Variants in CTBP2 observed in about 807,000 individuals in gnomAD.
CTBP2 encodes the protein C-terminal-binding protein 2.
A neutral mutation model predicts 80.3 loss-of-function variants in CTBP2; 30 were observed. The ratio of observed to expected loss-of-function variants is 0.37; its 90% CI spans 0.28 to 0.51. The LOEUF is 0.51. Ranked by LOEUF, CTBP2 falls within the 20% of genes least tolerant of loss-of-function variation. The pLI is 0.93. For synonymous variants in CTBP2, 594 were observed against 587.4 expected (o/e 1.01, Z -0.16); for missense variants, 1,212 against 1,375.3 (o/e 0.88, Z 1.88).
chr10:125,150,887 G>A (rs1859719227), intron 1 of CTBP2, among the ~76,000 whole-genome samples: 1 of 148,448 alleles, frequency 6.7e-6, no homozygotes, highest in Admixed American at 6.9e-5. Context: ...GAATACGTGG[G>A]TCAGACTCTG....
At position 124,987,438 on chromosome 10, in the gene CTBP2, A is replaced by ACCTG. The variant is rs919158393; in HGVS notation, c.*2076_*2079dup. 1 of 152,020 alleles carries ACCTG rather than the reference A, an allele frequency of 6.6e-6. No homozygotes were observed. The highest frequency in any genetic ancestry group is 2.4e-5 in the African/African-American group (1 of 41,380). 9.4% of individuals were successfully genotyped at this position (152,020 alleles called of 1,614,324 possible). A position where few individuals can be genotyped will look rare whatever the true frequency, so the allele number is the denominator to read the frequency against. On this transcript the variant is annotated 3_prime_UTR_variant, in exon 9 of 9. Transcript: ENST00000309035. Reference sequence around the variant, plus strand: ...AAACCCAGGTGGACCATGGATTCAGACCTGCCTTTTTATGTTTTTGACTCT... The same window carrying ACCTG: ...AAACCCAGGTGGACCATGGATTCAGACCTGCCTGCCTTTTTATGTTTTTGACTCT...
At chr10:125,012,872 G>A (rs949856990) in intron 1 of CTBP2, among the ~76,000 whole-genome samples, 1 of 99,812 alleles carries the variant, frequency 1.0e-5, no homozygotes, top group Admixed American at 1.1e-4. Flanking sequence ...GAGCCACCGC[G>A]CCCGGCCAAA....
chr10:125,131,624 C>CTT (rs1324010588), intron 1 of CTBP2, among the ~76,000 whole-genome samples: 1 of 152,178 alleles, frequency 6.6e-6, no homozygotes, highest in African/African-American at 2.4e-5. Context: ...ACATTGTCTG[C>CTT]TTTAACAAAC....
Position 125,045,847 on chromosome 10 carries a change from G to A in CTBP2, c.-101-6692C>T, listed in dbSNP as rs144891339. ...ACTCTGGTTCCACCATCAAAGAAAG[G>A]CTAGGGAGCTCATATTTCCCCAGGG... On this transcript the variant is annotated intron_variant, in intron 2 of 10. Transcript: ENST00000337195. Among the ~76,000 whole-genome samples the A allele has an allele frequency of 2.0e-5, 3 of 152,184 alleles. No individual in the cohort carries two copies. The East Asian group carries it at 5.8e-4, about 29-fold the overall frequency.
At chr10:125,024,165 T>C (rs1957321098) in intron 1 of CTBP2, among the ~76,000 whole-genome samples, 1 of 152,230 alleles carries the variant, frequency 6.6e-6, no homozygotes, top group African/African-American at 2.4e-5. Context: ...TGGAACCTAC[T>C]GTACAAAACG....
intron 1 of CTBP2, among the ~76,000 whole-genome samples, chr10:125,145,772 T>C: frequency 6.6e-6 from 1 of 152,160 alleles, no homozygotes; most frequent in Non-Finnish European, 1.5e-5. Context: ...ATCTTATTCA[T>C]TGTGCACACT....
chr10:125,125,699 T>C (rs1312941774), intron 1 of CTBP2, among the ~76,000 whole-genome samples: 1 of 152,020 alleles, frequency 6.6e-6, no homozygotes, highest in Non-Finnish European at 1.5e-5. Context: ...GTCAGCAGAG[T>C]GACCAGAGTG....
chr10:125,159,551 C>T (rs1861581621), intron 1 of CTBP2, among the ~76,000 whole-genome samples: 1 of 149,884 alleles, frequency 6.7e-6, no homozygotes, highest in South Asian at 2.1e-4. Context: ...GCCAACAATG[C>T]GGGGCCGGCA....
intron 2 of CTBP2, among the ~76,000 whole-genome samples, chr10:125,060,539 G>A (rs942093679): frequency 9.3e-5 from 14 of 151,054 alleles, no homozygotes; most frequent in African/African-American, 3.4e-4. Flanking sequence ...TGCAACACTG[G>A]TTCTGAGCAA....
chr10:125,099,035 C>G (rs1850201513), intron 2 of CTBP2, among the ~76,000 whole-genome samples: 1 of 152,218 alleles, frequency 6.6e-6, no homozygotes, highest in Non-Finnish European at 1.5e-5. Flanking sequence ...GGTCTGCAAG[C>G]ATGGAGTCTA....
chr10:125,104,749 G>A (rs183910748), intron 2 of CTBP2, among the ~76,000 whole-genome samples: 3 of 152,340 alleles, frequency 2.0e-5, no homozygotes, highest in Admixed American at 6.5e-5. Flanking sequence ...GCATTCAGTC[G>A]ACCAAGAAGA....
intron 1 of CTBP2, among the ~76,000 whole-genome samples, chr10:125,010,805 G>A (rs962392751): frequency 6.6e-6 from 1 of 152,182 alleles, no homozygotes; most frequent in African/African-American, 2.4e-5. Flanking sequence ...TCTAAACTTA[G>A]AAAGCGGTGA....
At position 125,028,034 on chromosome 10, in the gene CTBP2, C is replaced by T. The variant is rs1957833942; in HGVS notation, c.-275G>A. 4.0e-6 allele frequency: 3 copies of T among 752,094 alleles called. No individual in the cohort carries two copies. The South Asian group carries it at 9.8e-5, about 24-fold the overall frequency. 46.6% of individuals were successfully genotyped at this position (752,094 alleles called of 1,614,324 possible). A position where few individuals can be genotyped will look rare whatever the true frequency, so the allele number is the denominator to read the frequency against. On this transcript the variant is annotated 5_prime_UTR_variant, in exon 1 of 9. Transcript: ENST00000309035. ...GCTCAGTCCCGGAGAGGAGGCTGTC[C>T]CCAGCCTGCCAGGTCCCCCTTCCTG...
intron 2 of CTBP2, among the ~76,000 whole-genome samples, chr10:125,092,559 C>T (rs1213968175): frequency 2.0e-5 from 3 of 152,158 alleles, no homozygotes; most frequent in Non-Finnish European, 4.4e-5. Context: ...TCTTCCCACC[C>T]GCCACCAGCA....
upstream of CTBP2, among the ~76,000 whole-genome samples, chr10:125,030,866 T>C (rs184428519): frequency 6.6e-6 from 1 of 152,272 alleles, no homozygotes; most frequent in African/African-American, 2.4e-5. Flanking sequence ...GTCCTGCACC[T>C]GCCTGGGCTT....
Position 125,002,990 on chromosome 10 carries a change from T to A in CTBP2, c.1948A>T (p.Asn650Tyr). 6.2e-7 allele frequency: 1 copy of A among 1,613,670 alleles called. No individual in the cohort carries two copies. Among genetic ancestry groups the A allele is most frequent in the South Asian group, 1.1e-5 (1 of 91,070 alleles). Reference sequence around the variant, plus strand: ...TCGCCGGCAGCCTTGATGTCCACGTTGTCATAGCCACTGCCTATCCGCACG... The same window carrying A: ...TCGCCGGCAGCCTTGATGTCCACGTAGTCATAGCCACTGCCTATCCGCACG... The change falls in exon 3 of 9, where the codon AAC becomes TAC. Residue 650 changes from asparagine (N) to tyrosine (Y), a missense_variant. Asn to Tyr is a moderately radical substitution (Grantham distance 143). Around this residue, in one of 3 missense-constraint regions of CTBP2, gnomAD observed 335 missense variants for 504.7 expected, o/e 0.66. Transcript: ENST00000309035.
At chr10:125,098,830 C>T (rs1407459386) in intron 2 of CTBP2, among the ~76,000 whole-genome samples, 1 of 151,158 alleles carries the variant, frequency 6.6e-6, no homozygotes, top group African/African-American at 2.4e-5. Context: ...CCACCCTGTG[C>T]TACTTTAGCC....
intron 1 of CTBP2, among the ~76,000 whole-genome samples, chr10:125,127,803 C>T (rs1460842434): frequency 6.6e-6 from 1 of 152,190 alleles, no homozygotes; most frequent in Non-Finnish European, 1.5e-5. Context: ...TCAGAGAGAG[C>T]TGCCCAACTT....
At chr10:125,001,957 C>T (rs969646974) in intron 3 of CTBP2, among the ~76,000 whole-genome samples, 2 of 145,666 alleles carry the variant, frequency 1.4e-5, no homozygotes, top group Non-Finnish European at 3.0e-5. Flanking sequence ...ATGTATGTAA[C>T]ACTCCGCTCA....
Sources: allele counts gnomAD v4.1 joint callset (sites outside exome capture counted in the v4.1 genomes callset), GRCh38; gene constraint gnomAD v4.1.1; regional missense constraint gnomAD v4.1.1; transcripts MANE v1.5; gene names NCBI Gene and HGNC (gene_info 2026-07-23, HGNC 2026-07-21).